The following CDK14 variants were observed in gnomAD, a reference collection of about 807,000 sequenced individuals.
The protein encoded by CDK14 is cyclin-dependent kinase 14.
Under a neutral mutation model 60.7 loss-of-function variants are expected in CDK14, and 34 were observed. That is an observed-to-expected ratio of 0.56 (90% confidence interval 0.43 to 0.75). The LOEUF (loss-of-function observed/expected upper bound fraction) is 0.75, where lower values mean the gene tolerates loss of function less well. CDK14 is among the 30% of genes least tolerant of loss of function. The pLI, the probability that CDK14 is intolerant of heterozygous loss-of-function variation, is 0.00. For missense variants in CDK14, 482 were observed against 564.1 expected (o/e 0.85, Z 1.47); for synonymous variants, 197 against 203.7 (o/e 0.97, Z 0.28).
At chr7:90,940,614 T>G (rs1793895099) in intron 8 of CDK14, among the ~76,000 whole-genome samples, 1 of 152,004 alleles carries the variant, frequency 6.6e-6, no homozygotes, top group South Asian at 2.1e-4. Flanking sequence ...GGCAAAACTC[T>G]GTCCCTACAA....
At chr7:90,805,538 T>A (rs1006903571) in intron 5 of CDK14, among the ~76,000 whole-genome samples, 1 of 151,998 alleles carries the variant, frequency 6.6e-6, no homozygotes, top group Non-Finnish European at 1.5e-5. Flanking sequence ...TAAATACTTA[T>A]AATAAAAAAG....
intron 2 of CDK14, among the ~76,000 whole-genome samples, chr7:90,686,060 G>C (rs965339347): frequency 6.6e-6 from 1 of 151,936 alleles, no homozygotes; most frequent in Non-Finnish European, 1.5e-5. Context: ...GTGTGTTTTT[G>C]GACAAGTTAC....
chr7:90,983,621 A>G (rs998425087), intron 9 of CDK14, among the ~76,000 whole-genome samples: 4 of 151,622 alleles, frequency 2.6e-5, no homozygotes, highest in African/African-American at 9.7e-5. Flanking sequence ...TAGAGCTTGC[A>G]GTGAGCAGAG....
chr7:90,696,468 G>A (rs960843689), intron 2 of CDK14, among the ~76,000 whole-genome samples: 1 of 151,636 alleles, frequency 6.6e-6, no homozygotes, highest in East Asian at 2.0e-4. Context: ...AGCCTCCCGA[G>A]TAGCTGGGAT....
At chr7:90,783,632 T>A (rs534275915) in intron 4 of CDK14, among the ~76,000 whole-genome samples, 2 of 152,252 alleles carry the variant, frequency 1.3e-5, no homozygotes, top group East Asian at 3.9e-4. Flanking sequence ...GAATAGACAT[T>A]TCTCAAAAGA....
chr7:90,681,244 A>G (rs1186041234), intron 2 of CDK14, among the ~76,000 whole-genome samples: 1 of 152,166 alleles, frequency 6.6e-6, no homozygotes, highest in African/African-American at 2.4e-5. Flanking sequence ...TCTATTGGAA[A>G]ACAGGGAGGC....
chr7:90,782,065 C>T (rs932578883), intron 4 of CDK14, among the ~76,000 whole-genome samples: 1 of 152,106 alleles, frequency 6.6e-6, no homozygotes, highest in South Asian at 2.1e-4. Context: ...AATATTCTTC[C>T]ATTTGTTTGT....
In CDK14 at chr7:91,208,362, G is replaced by A. The variant is rs915077753; in HGVS notation, c.*1226G>A. ...CGAGTATGTGACACTGGAGAAAAGT[G>A]GACCAGGCATGTCTTTTGCTTTGAT... On this transcript the variant is annotated 3_prime_UTR_variant, in exon 15 of 15. Coordinates refer to ENST00000380050, the MANE Select transcript of CDK14 (RefSeq NM_001287135.2). The A allele has an allele frequency of 6.6e-6, 1 of 152,662 alleles. No individual in the cohort carries two copies. Among genetic ancestry groups the A allele is most frequent in the Non-Finnish European group, 1.5e-5 (1 of 68,068 alleles). 9.5% of individuals were successfully genotyped at this position (152,662 alleles called of 1,614,324 possible).
At chr7:90,702,058 T>C (rs1471017420) in intron 2 of CDK14, among the ~76,000 whole-genome samples, 1 of 152,166 alleles carries the variant, frequency 6.6e-6, no homozygotes, top group Non-Finnish European at 1.5e-5. Context: ...GTTGGATTCC[T>C]TGTCTGTTCC....
chr7:91,045,019 G>A (rs888992673), intron 10 of CDK14, among the ~76,000 whole-genome samples: 1 of 152,206 alleles, frequency 6.6e-6, no homozygotes, highest in Non-Finnish European at 1.5e-5. Context: ...GGAGCTCAGT[G>A]GGGTTATTTC....
rs541759289 is a variant in CDK14, at chr7:90,961,748, A to T, written c.947+5931A>T. Among the ~76,000 whole-genome samples, 8 of 152,336 alleles carry T rather than the reference A, an allele frequency of 5.3e-5. No individual in the cohort carries two copies. The South Asian group carries it at 1.7e-3, about 32-fold the overall frequency. The stretch of plus-strand genomic sequence containing the variant: ...TAACAAAAGAACTGGGGACAGTCAG[A>T]AGGGCATCCAGGAGATTGAAGCTGA... On this transcript the variant is annotated intron_variant, in intron 9 of 14. Transcript: ENST00000380050.
At chr7:91,185,662 C>T (rs1172226422) in intron 14 of CDK14, among the ~76,000 whole-genome samples, 1 of 151,848 alleles carries the variant, frequency 6.6e-6, no homozygotes, top group Admixed American at 6.6e-5. Flanking sequence ...TTTATTTTTA[C>T]AACTTTGTTG....
intron 5 of CDK14, among the ~76,000 whole-genome samples, chr7:90,860,460 A>G (rs1293032307): frequency 1.3e-5 from 2 of 151,914 alleles, no homozygotes; most frequent in Non-Finnish European, 2.9e-5. Flanking sequence ...ATCTTAATCT[A>G]AAATTTCTTT....
At chr7:90,895,419 TCCTCTCCTCTCCTCTCCTCTCCTCC>T (rs1562817684) in intron 6 of CDK14, among the ~76,000 whole-genome samples, 2 of 18,648 alleles carry the variant, frequency 1.1e-4, no homozygotes, top group Admixed American at 8.2e-4. Flanking sequence ...TCCTCTCCTC[TCCTCTCCTCTCCTCTCCTCTCCTCC>T]CCTCCCCTCC....
intron 8 of CDK14, among the ~76,000 whole-genome samples, chr7:90,946,531 A>G (rs916563061): frequency 1.3e-5 from 2 of 152,206 alleles, no homozygotes; most frequent in African/African-American, 4.8e-5. Context: ...TATGACCCAA[A>G]GCTTTTTTTT....
chr7:91,003,962 G>C (rs1795911649), intron 10 of CDK14, among the ~76,000 whole-genome samples: 1 of 152,094 alleles, frequency 6.6e-6, no homozygotes. Flanking sequence ...TAAAAAGCCA[G>C]ATTCCCCTAA....
At chr7:91,051,609 C>A (rs183597896) in intron 11 of CDK14, among the ~76,000 whole-genome samples, 37 of 152,276 alleles carry the variant, frequency 2.4e-4, no homozygotes, top group African/African-American at 6.3e-4. Flanking sequence ...CTCAGTATTT[C>A]AGTAATTCCA....
At chr7:90,862,457 A>T (rs1250948572) in intron 5 of CDK14, among the ~76,000 whole-genome samples, 1 of 152,198 alleles carries the variant, frequency 6.6e-6, no homozygotes, top group Non-Finnish European at 1.5e-5. Context: ...CTCAAAGAAG[A>T]CATACCAATC....
chr7:90,883,194 TC>T (rs1380202438), intron 6 of CDK14, among the ~76,000 whole-genome samples: 10 of 150,984 alleles, frequency 6.6e-5, no homozygotes, highest in Non-Finnish European at 1.5e-5. Flanking sequence ...ATACACAGCC[TC>T]CTAGCTAGAC....
Sources: gnomAD v4.1 joint callset for allele counts (sites outside exome capture counted in the v4.1 genomes callset) on GRCh38, gnomAD v4.1.1 for gene constraint, MANE v1.5 for transcripts, NCBI Gene and HGNC (gene_info 2026-07-23, HGNC 2026-07-21) for gene names.